The following PARM1 variants were observed in gnomAD, a reference collection of about 807,000 sequenced individuals.
PARM1 encodes prostate androgen-regulated mucin-like protein 1, also known as WSC4, cell wall integrity and stress response component 4 homolog.
A neutral mutation model predicts 24.6 loss-of-function variants in PARM1; 14 were observed. The ratio of observed to expected loss-of-function variants is 0.57; its 90% CI spans 0.38 to 0.89. The LOEUF (loss-of-function observed/expected upper bound fraction) is 0.89, where lower values mean the gene tolerates loss of function less well. Ranked by LOEUF, PARM1 falls within the 40% of genes least tolerant of loss-of-function variation. The pLI is 0.00. For missense variants in PARM1, 362 were observed against 380.4 expected, an observed-to-expected ratio of 0.95 and a Z score of 0.40; for synonymous variants, 179 against 156.6, an observed-to-expected ratio of 1.14 and a Z score of -1.07.
At chr4:74,936,603 G>A (rs1056155603) in intron 1 of PARM1, among the ~76,000 whole-genome samples, 13 of 151,710 alleles carry the variant, frequency 8.6e-5, no homozygotes, top group African/African-American at 2.2e-4. Context: ...ACAGGCGCCC[G>A]CCACCACACC....
intron 1 of PARM1, among the ~76,000 whole-genome samples, chr4:74,946,377 A>G (rs1399954792): frequency 1.3e-5 from 2 of 152,184 alleles, no homozygotes; most frequent in Non-Finnish European, 2.9e-5. Context: ...GAGCCTTATC[A>G]TCTCTTATCA....
chr4:74,980,824 A>C (rs1302860850), intron 1 of PARM1, among the ~76,000 whole-genome samples: 1 of 152,232 alleles, frequency 6.6e-6, no homozygotes, highest in East Asian at 1.9e-4. Context: ...CCACACATCT[A>C]CAACCATCTG....
At chr4:75,008,353 G>A (rs955067523) in intron 1 of PARM1, among the ~76,000 whole-genome samples, 1 of 152,202 alleles carries the variant, frequency 6.6e-6, no homozygotes, top group Non-Finnish European at 1.5e-5. Flanking sequence ...GGTAGGAATT[G>A]TAAAAGTGTA....
chr4:74,957,975 G>A (rs1560775279), intron 1 of PARM1, among the ~76,000 whole-genome samples: 1 of 152,180 alleles, frequency 6.6e-6, no homozygotes, highest in Non-Finnish European at 1.5e-5. Context: ...ATGAGAATTG[G>A]TAGGGAATGG....
At position 75,046,274 on chromosome 4, in the gene PARM1, T is replaced by A. The variant is rs756103033; in HGVS notation, c.*27T>A. 7.1e-7 allele frequency: 1 copy of A among 1,399,784 alleles called. No individual in the cohort carries two copies. Among genetic ancestry groups the A allele is most frequent in the Non-Finnish European group, 1.0e-6 (1 of 985,652 alleles). The allele number at this position is 1,399,784 out of a possible 1,614,324, so 86.7% of individuals were successfully genotyped here. ...AATGGAATATGGCCTGGGATGAGGATTAACTGTTCTTTATTTATAAGTGCT... is the reference window on the plus strand; with the variant it reads ...AATGGAATATGGCCTGGGATGAGGAATAACTGTTCTTTATTTATAAGTGCT... On this transcript the variant is annotated 3_prime_UTR_variant, in exon 4 of 4. Transcript: ENST00000307428.
At chr4:74,951,707 T>C (rs1348233148) in intron 1 of PARM1, among the ~76,000 whole-genome samples, 1 of 152,148 alleles carries the variant, frequency 6.6e-6, no homozygotes, top group Non-Finnish European at 1.5e-5. Context: ...TGTTCCTGTG[T>C]TAGTTTGCTG....
At chr4:75,040,216 A>G (rs533188768) in intron 3 of PARM1, among the ~76,000 whole-genome samples, 5 of 152,370 alleles carry the variant, frequency 3.3e-5, no homozygotes, top group Non-Finnish European at 7.3e-5. Context: ...GGAATCTGTT[A>G]AACCACACAG....
At chr4:75,002,325 A>G (rs1431197528) in intron 1 of PARM1, among the ~76,000 whole-genome samples, 1 of 152,180 alleles carries the variant, frequency 6.6e-6, no homozygotes, top group Non-Finnish European at 1.5e-5. Flanking sequence ...GGTTTGAGAA[A>G]TGACTTGATA....
At chr4:75,025,477 T>C (rs1360363954) in intron 2 of PARM1, among the ~76,000 whole-genome samples, 2 of 152,126 alleles carry the variant, frequency 1.3e-5, no homozygotes, top group Admixed American at 6.5e-5. Flanking sequence ...GAACACACAG[T>C]TAAAATAAAT....
At chr4:75,009,083 A>C (rs1297528784) in intron 1 of PARM1, among the ~76,000 whole-genome samples, 4 of 152,136 alleles carry the variant, frequency 2.6e-5, no homozygotes, top group Non-Finnish European at 5.9e-5. Context: ...ATCTGTATTC[A>C]TTCTAAAACT....
chr4:74,954,105 A>G (rs1053635788), intron 1 of PARM1, among the ~76,000 whole-genome samples: 1 of 152,230 alleles, frequency 6.6e-6, no homozygotes, highest in African/African-American at 2.4e-5. Flanking sequence ...ACAGTAAATT[A>G]TTATTAAGTT....
chr4:74,997,134 G>A (rs1333453202), intron 1 of PARM1, among the ~76,000 whole-genome samples: 1 of 152,140 alleles, frequency 6.6e-6, no homozygotes, highest in East Asian at 1.9e-4. Flanking sequence ...GCTGATAAGT[G>A]CCTTTAGGGT....
intron 2 of PARM1, among the ~76,000 whole-genome samples, chr4:75,018,653 T>G (rs1723031691): frequency 6.6e-6 from 1 of 152,214 alleles, no homozygotes; most frequent in Non-Finnish European, 1.5e-5. Context: ...ATGAGGTTCA[T>G]GGTCGTATGA....
At chr4:74,991,512 T>A (rs1722465589) in intron 1 of PARM1, among the ~76,000 whole-genome samples, 1 of 150,904 alleles carries the variant, frequency 6.6e-6, no homozygotes, top group African/African-American at 2.5e-5. Context: ...GTACCAGAGA[T>A]GCAGAGAGAG....
intron 1 of PARM1, chr4:74,966,635 A>G (rs75468816): frequency 0.041 from 6,247 of 152,366 alleles, 417 homozygotes; most frequent in African/African-American, 0.14. Context: ...AGAAGAGGGC[A>G]CAGGGGAACC....
At chr4:74,944,260 T>C (rs1354269843) in intron 1 of PARM1, among the ~76,000 whole-genome samples, 2 of 152,220 alleles carry the variant, frequency 1.3e-5, no homozygotes, top group Non-Finnish European at 2.9e-5. Context: ...GCCTTAGCAA[T>C]CGTGGTAAAA....
chr4:75,026,280 A>G (rs1198408179), intron 2 of PARM1, among the ~76,000 whole-genome samples: 1 of 152,242 alleles, frequency 6.6e-6, no homozygotes. Flanking sequence ...ATAATGTGGT[A>G]TACCTGGCTT....
chr4:74,936,464 T>TTGTTC (rs1721190189), intron 1 of PARM1, among the ~76,000 whole-genome samples: 1 of 147,926 alleles, frequency 6.8e-6, no homozygotes, highest in Non-Finnish European at 1.5e-5. Context: ...TTTTTTTGTT[T>TTGTTC]TTTTTTTGAG....
chr4:75,005,615 G>T (rs1020645891), intron 1 of PARM1, among the ~76,000 whole-genome samples: 1 of 152,146 alleles, frequency 6.6e-6, no homozygotes, highest in Admixed American at 6.5e-5. Context: ...CTCCTAGCAG[G>T]TCTAGAAACT....
Sources: gnomAD v4.1 joint callset for allele counts (sites outside exome capture counted in the v4.1 genomes callset) on GRCh38, gnomAD v4.1.1 for gene constraint, MANE v1.5 for transcripts, NCBI Gene and HGNC (gene_info 2026-07-23, HGNC 2026-07-21) for gene names.